Variants in TNFRSF21 observed in about 807,000 individuals in gnomAD.
The protein encoded by TNFRSF21 is TNF receptor superfamily member 21.
TNFRSF21 carries 19 observed loss-of-function variants against 45.6 expected under a neutral mutation model. That is an observed-to-expected ratio of 0.42 (90% confidence interval 0.29 to 0.61). The LOEUF is 0.61. Ranked by LOEUF, TNFRSF21 falls within the 20% of genes least tolerant of loss-of-function variation. The pLI is 0.23. For synonymous variants in TNFRSF21, 314 were observed against 335.5 expected (o/e 0.94, Z 0.70); for missense variants, 737 against 851.5 (o/e 0.87, Z 1.67).
At chr6:47,266,818 G>T (rs1040121216) in intron 3 of TNFRSF21, among the ~76,000 whole-genome samples, 1 of 152,148 alleles carries the variant, frequency 6.6e-6, no homozygotes, top group Non-Finnish European at 1.5e-5. Flanking sequence ...TTATCATTAC[G>T]GGGAGTAAAA....
At chr6:47,259,114 C>T (rs1440766420) in intron 3 of TNFRSF21, among the ~76,000 whole-genome samples, 2 of 152,214 alleles carry the variant, frequency 1.3e-5, no homozygotes, top group Non-Finnish European at 2.9e-5. Flanking sequence ...ATGAAAGTTC[C>T]CACCCCAATT....
In TNFRSF21 at chr6:47,284,451, A is replaced by AG. The variant is rs746216517; in HGVS notation, c.749-20dup. 8 of 1,506,036 alleles carry AG rather than the reference A, an allele frequency of 5.3e-6. No homozygotes were observed. The South Asian group carries it at 7.0e-5, about 13-fold the overall frequency. The allele number at this position is 1,506,036 out of a possible 1,614,324, so 93.3% of individuals were successfully genotyped here. On this transcript the variant is annotated intron_variant, in intron 2 of 5. Coordinates refer to ENST00000296861, the MANE Select transcript of TNFRSF21 (RefSeq NM_014452.5). ...TTCATGCCTAGAAAAAAGAGTAAGG[A>AG]GGGGGGAAGAGCTTTTCCATATTTG...
intron 4 of TNFRSF21, among the ~76,000 whole-genome samples, chr6:47,244,198 C>T (rs911115483): frequency 1.3e-5 from 2 of 152,016 alleles, no homozygotes; most frequent in Non-Finnish European, 2.9e-5. Flanking sequence ...GTGGCGGGGA[C>T]CTGTATTCCC....
At chr6:47,258,600 G>A (rs560780262) in intron 3 of TNFRSF21, among the ~76,000 whole-genome samples, 96 of 151,800 alleles carry the variant, frequency 6.3e-4, no homozygotes, top group Non-Finnish European at 1.2e-3. Context: ...CACCATGCCC[G>A]GCTAATTTTT....
intron 1 of TNFRSF21, among the ~76,000 whole-genome samples, chr6:47,289,776 T>G (rs1293935431): frequency 6.6e-6 from 1 of 152,102 alleles, no homozygotes; most frequent in East Asian, 1.9e-4. Context: ...GGCAGGTCAT[T>G]TGAGGTCAGG....
At chr6:47,270,955 C>T (rs984363350) in intron 3 of TNFRSF21, among the ~76,000 whole-genome samples, 1 of 151,914 alleles carries the variant, frequency 6.6e-6, no homozygotes, top group African/African-American at 2.4e-5. Flanking sequence ...AGCGAGATGA[C>T]AAGGTTAGAG....
At chr6:47,235,900 T>A (rs1365682766) in intron 4 of TNFRSF21, among the ~76,000 whole-genome samples, 1 of 152,124 alleles carries the variant, frequency 6.6e-6, no homozygotes, top group African/African-American at 2.4e-5. Context: ...TGGTTTCAGA[T>A]AAAGATGGTG....
chr6:47,259,289 A>AGT (rs1765035098), intron 3 of TNFRSF21, among the ~76,000 whole-genome samples: 1 of 152,150 alleles, frequency 6.6e-6, no homozygotes, highest in Non-Finnish European at 1.5e-5. Flanking sequence ...TGTGATGCCA[A>AGT]GTGTCTTTTT....
At chr6:47,281,199 T>G (rs1031518532) in intron 3 of TNFRSF21, among the ~76,000 whole-genome samples, 2 of 152,106 alleles carry the variant, frequency 1.3e-5, no homozygotes, top group Admixed American at 1.3e-4. Flanking sequence ...GAGAACAGTC[T>G]TATTGTCAGG....
At chr6:47,245,458 T>TTTGTG (rs1561939018) in intron 4 of TNFRSF21, among the ~76,000 whole-genome samples, 162 of 107,852 alleles carry the variant, frequency 1.5e-3, no homozygotes, top group African/African-American at 6.6e-3. Flanking sequence ...GTGTGTGTGT[T>TTTGTG]TGTGTGTGTG....
chr6:47,273,728 G>C (rs1174984334), intron 3 of TNFRSF21, among the ~76,000 whole-genome samples: 1 of 152,162 alleles, frequency 6.6e-6, no homozygotes, highest in Non-Finnish European at 1.5e-5. Flanking sequence ...AATTGTCCCT[G>C]TTTGCAGATG....
At chr6:47,261,766 CTGGGATCAGCTGTCCAAGCTG>C (rs1156518128) in intron 3 of TNFRSF21, among the ~76,000 whole-genome samples, 2 of 152,236 alleles carry the variant, frequency 1.3e-5, no homozygotes, top group Non-Finnish European at 2.9e-5. Context: ...AATCCTTCTG[CTGGGATCAGCTGTCCAAGCTG>C]TGGTCTCTCC....
intron 3 of TNFRSF21, among the ~76,000 whole-genome samples, chr6:47,266,202 G>C (rs1734762740): frequency 6.6e-6 from 1 of 152,200 alleles, no homozygotes; most frequent in African/African-American, 2.4e-5. Flanking sequence ...CTGCAGGGTT[G>C]AGAGTCTGGG....
At chr6:47,277,293 C>G (rs1762512870) in intron 3 of TNFRSF21, among the ~76,000 whole-genome samples, 1 of 152,206 alleles carries the variant, frequency 6.6e-6, no homozygotes, top group Admixed American at 6.5e-5. Flanking sequence ...CGCCCAACCC[C>G]TAAGTATAGT....
chr6:47,289,707 A>G (rs1240505939), intron 1 of TNFRSF21, among the ~76,000 whole-genome samples: 1 of 152,192 alleles, frequency 6.6e-6, no homozygotes, highest in Non-Finnish European at 1.5e-5. Context: ...TTTGTCAAGA[A>G]TACCAGCCGG....
At chr6:47,276,536 T>A (rs1762500415) in intron 3 of TNFRSF21, among the ~76,000 whole-genome samples, 1 of 152,226 alleles carries the variant, frequency 6.6e-6, no homozygotes, top group East Asian at 1.9e-4. Flanking sequence ...GTCTATGGCA[T>A]AGACCAGATG....
chr6:47,298,037 G>A (rs1762814141), intron 1 of TNFRSF21, among the ~76,000 whole-genome samples: 1 of 151,988 alleles, frequency 6.6e-6, no homozygotes, highest in Non-Finnish European at 1.5e-5. Flanking sequence ...TAAAAACTTG[G>A]TATATAGCAA....
At chr6:47,248,502 T>A (rs554491850) in intron 4 of TNFRSF21, among the ~76,000 whole-genome samples, 1 of 152,022 alleles carries the variant, frequency 6.6e-6, no homozygotes, top group Admixed American at 6.6e-5. Context: ...AAAAAAAACA[T>A]AGAAAACCAA....
chr6:47,240,900 C>T (rs1415215341), intron 4 of TNFRSF21, among the ~76,000 whole-genome samples: 1 of 152,188 alleles, frequency 6.6e-6, no homozygotes, highest in Non-Finnish European at 1.5e-5. Flanking sequence ...AATTCAATTT[C>T]TACTAAAGGT....
Sources: gnomAD v4.1 joint callset for allele counts (sites outside exome capture counted in the v4.1 genomes callset) on GRCh38, gnomAD v4.1.1 for gene constraint, MANE v1.5 for transcripts, NCBI Gene and HGNC (gene_info 2026-07-23, HGNC 2026-07-21) for gene names.